The following CFAP74 variants were observed in gnomAD, a reference collection of about 807,000 sequenced individuals.
CFAP74 encodes the protein cilia and flagella associated protein 74.
CFAP74 carries 124 observed loss-of-function variants against 188.9 expected under a neutral mutation model. The ratio of observed to expected loss-of-function variants is 0.66; its 90% CI spans 0.57 to 0.76. The LOEUF is 0.76. CFAP74 is among the 30% of genes least tolerant of loss of function. The pLI, the probability that CFAP74 is intolerant of heterozygous loss-of-function variation, is 0.00. For missense variants in CFAP74, 2,198 were observed against 2,165.2 expected, an observed-to-expected ratio of 1.02 and a Z score of -0.30; for synonymous variants, 956 against 916.7, an observed-to-expected ratio of 1.04 and a Z score of -0.77.
intron 11 of CFAP74, among the ~76,000 whole-genome samples, chr1:1,966,859 C>T (rs1324898394): frequency 7.0e-6 from 1 of 143,258 alleles, no homozygotes; most frequent in Non-Finnish European, 1.5e-5. Flanking sequence ...TTTTTTGAGA[C>T]GCAGTCTTGC....
At chr1:1,992,257 T>C (rs1454065034) in intron 1 of CFAP74, among the ~76,000 whole-genome samples, 2 of 152,046 alleles carry the variant, frequency 1.3e-5, no homozygotes, top group African/African-American at 2.4e-5. Flanking sequence ...CTCAAACTTC[T>C]GGGCTCAAGC....
At chr1:1,948,775 T>C (rs957456891) in intron 18 of CFAP74, among the ~76,000 whole-genome samples, 3 of 152,098 alleles carry the variant, frequency 2.0e-5, no homozygotes, top group African/African-American at 7.2e-5. Flanking sequence ...TTTGTAGATA[T>C]GGGGTCTCAC....
chr1:1,939,398 C>T (rs1013345520), intron 24 of CFAP74, among the ~76,000 whole-genome samples, 196 bp downstream of exon 24: 13 of 152,150 alleles, frequency 8.5e-5, no homozygotes, highest in Non-Finnish European at 1.2e-4. Context: ...TGCACAGGAC[C>T]GAGGCAGAAG....
intron 6 of CFAP74, 192 bp downstream of exon 6, chr1:1,985,194 A>G: frequency 1.8e-6 from 1 of 545,990 alleles, no homozygotes; most frequent in South Asian, 2.6e-5. Context: ...AAACAAACCC[A>G]GAGAAACTGA....
At chr1:1,965,621 C>T (rs903039948) in intron 12 of CFAP74, among the ~76,000 whole-genome samples, 6 of 152,100 alleles carry the variant, frequency 3.9e-5, no homozygotes, top group South Asian at 2.1e-4. Flanking sequence ...TGCCCATGCC[C>T]GGCAGCCGGG....
intron 6 of CFAP74, 146 bp from the exon 7 acceptor site, chr1:1,974,344 C>G: frequency 1.4e-6 from 1 of 700,296 alleles, no homozygotes; most frequent in Non-Finnish European, 2.3e-6. Context: ...CATCTCCGCT[C>G]TGAGTCACCC....
intron 38 of CFAP74, 69 bp downstream of exon 38, chr1:1,922,520 C>G: frequency 6.3e-7 from 1 of 1,580,382 alleles, no homozygotes; most frequent in South Asian, 1.2e-5. Context: ...TGGGACTGGG[C>G]AGGGGTGTCA....
intron 20 of CFAP74, among the ~76,000 whole-genome samples, chr1:1,945,059 G>A (rs1653653652): frequency 1.3e-5 from 2 of 152,144 alleles, no homozygotes; most frequent in Admixed American, 1.3e-4. Flanking sequence ...TGTAATTCCA[G>A]CACTTTGGAG....
In CFAP74 at chr1:1,930,049, C is replaced by T. The variant is rs1652238183; in HGVS notation, c.3288+11G>A. On this transcript the variant is annotated intron_variant, in intron 26 of 38. Coordinates refer to ENST00000682832, the MANE Select transcript of CFAP74 (RefSeq NM_001304360.2). ...CCTGCTTCCCAGCCTGCATGTGGGG[C>T]CCACACCCACCTTTCCTGGCCACAC... 4.7e-6 allele frequency: 7 copies of T among 1,502,802 alleles called. No individual in the cohort carries two copies. In the East Asian group the frequency reaches 1.7e-4, roughly 37 times the overall value. 93.1% of individuals were successfully genotyped at this position (1,502,802 alleles called of 1,614,324 possible).
At chr1:1,947,385 T>G (rs1293966036) in intron 18 of CFAP74, among the ~76,000 whole-genome samples, 1 of 152,206 alleles carries the variant, frequency 6.6e-6, no homozygotes, top group Non-Finnish European at 1.5e-5. Flanking sequence ...TTTGGGGATG[T>G]TTCTTCTCTT....
At position 1,975,825 on chromosome 1, in the gene CFAP74, G is replaced by A. The variant is rs768742386; in HGVS notation, c.501-1627C>T. ...CTGCTGGCTGTCACTTCCCCTGCCCGGTGATCAGTGCTCCAGTGGCCGTGG... is the reference window on the plus strand; with the variant it reads ...CTGCTGGCTGTCACTTCCCCTGCCCAGTGATCAGTGCTCCAGTGGCCGTGG... On this transcript the variant is annotated intron_variant, in intron 6 of 38. Coordinates refer to ENST00000682832, the MANE Select transcript of CFAP74 (RefSeq NM_001304360.2). The surrounding 1 kb of genome is among the most constrained non-coding windows in gnomAD (Gnocchi z 4.5). 9.2e-5 allele frequency among the ~76,000 whole-genome samples: 14 copies of A among 152,176 alleles called. No individual in the cohort carries two copies. Among genetic ancestry groups the A allele is most frequent in the African/African-American group, 1.9e-4 (8 of 41,428 alleles).
intron 11 of CFAP74, among the ~76,000 whole-genome samples, chr1:1,967,125 C>T (rs956419380): frequency 1.3e-5 from 2 of 152,188 alleles, no homozygotes; most frequent in Non-Finnish European, 2.9e-5. Flanking sequence ...TGTGAGCCAC[C>T]GCGCCTGGCG....
intron 2 of CFAP74, 26 bp downstream of exon 2, chr1:1,990,864 C>T (rs13303195): frequency 0.56 from 882,975 of 1,587,214 alleles, 251,216 homozygotes; most frequent in African/African-American, 0.88. Flanking sequence ...CTGAAACTTC[C>T]GTTACTGTGA....
chr1:1,945,842 A>AAC (rs1553222919), intron 20 of CFAP74, among the ~76,000 whole-genome samples: 2 of 144,026 alleles, frequency 1.4e-5, no homozygotes, highest in Non-Finnish European at 1.5e-5. Flanking sequence ...AAAAAAAAAA[A>AAC]AAAGAACAAA....
At chr1:1,948,951 TCCCTTACTC>T (rs1191793522) in intron 18 of CFAP74, among the ~76,000 whole-genome samples, 1 of 105,594 alleles carries the variant, frequency 9.5e-6, no homozygotes, top group Non-Finnish European at 2.0e-5. Flanking sequence ...TTCCTTTCCC[TCCCTTACTC>T]CCTTCCTTCC....
chr1:1,979,572 C>G (rs144927925), intron 6 of CFAP74, among the ~76,000 whole-genome samples: 1,505 of 91,914 alleles, frequency 0.016, 201 homozygotes, highest in Non-Finnish European at 0.022. Context: ...TGTCACGTGA[C>G]GAGGCTGCGC....
intron 1 of CFAP74, among the ~76,000 whole-genome samples, chr1:2,000,318 A>C (rs1184633970): frequency 1.3e-5 from 2 of 152,260 alleles, no homozygotes; most frequent in African/African-American, 4.8e-5. Flanking sequence ...GGCACTTCAC[A>C]GTTAAGGACG....
intron 14 of CFAP74, among the ~76,000 whole-genome samples, chr1:1,960,743 A>G (rs377689771): frequency 5.3e-5 from 8 of 152,168 alleles, no homozygotes; most frequent in African/African-American, 1.4e-4. Context: ...AGCTCCTCCA[A>G]TTGGGAGGGA....
In CFAP74 at chr1:1,963,806, ATCGTGTAGGTGGTG is replaced by A. The variant is rs1189226935; in HGVS notation, c.1623_1636del (p.Thr542GlnfsTer19). 5.0e-6 allele frequency: 8 copies of A among 1,613,842 alleles called. No individual in the cohort carries two copies. Among genetic ancestry groups the A allele is most frequent in the Non-Finnish European group, 5.9e-6 (7 of 1,179,970 alleles). On this transcript the variant is annotated frameshift_variant, in exon 14 of 39. Transcript: ENST00000682832. LOFTEE classifies it high-confidence loss of function. ...CACGCCCACCAGCTTGCAGTAGTTG[ATCGTGTAGGTGGTG>A]TTTACCAACGTGATCTTTTTCTTGT...
Sources: allele counts gnomAD v4.1 joint callset (sites outside exome capture counted in the v4.1 genomes callset), GRCh38; gene constraint gnomAD v4.1.1; non-coding constraint Gnocchi (gnomAD v3.1); transcripts MANE v1.5; gene names NCBI Gene and HGNC (gene_info 2026-07-23, HGNC 2026-07-21).